RAB38: variants seen among roughly 807,000 people sequenced by gnomAD.
RAB38 encodes ras-related protein Rab-38.
A neutral mutation model predicts 18.4 loss-of-function variants in RAB38; 15 were observed. The observed-to-expected ratio is 0.82, with a 90% CI of 0.55 to 1.26. RAB38 has a LOEUF of 1.26. Ranked by LOEUF, RAB38 falls within the 50% of genes most tolerant of loss-of-function variation. The pLI, the probability that RAB38 is intolerant of heterozygous loss-of-function variation, is 0.00. For missense variants in RAB38, 294 were observed against 267.4 expected, an observed-to-expected ratio of 1.10 and a Z score of -0.69; for synonymous variants, 101 against 104.4, an observed-to-expected ratio of 0.97 and a Z score of 0.20.
the RAB38 span, among the ~76,000 whole-genome samples, chr11:87,891,060 G>A: frequency 6.6e-6 from 1 of 151,746 alleles, no homozygotes; most frequent in South Asian, 2.1e-4. Context: ...AGATTAGGTT[G>A]GTTCACAATA....
the RAB38 span, among the ~76,000 whole-genome samples, chr11:88,053,061 A>G: frequency 2.3e-5 from 3 of 128,862 alleles, no homozygotes; most frequent in African/African-American, 8.7e-5. Context: ...GAATATATAT[A>G]TTATATATAT....
chr11:87,836,476 C>G, the RAB38 span, among the ~76,000 whole-genome samples: 1 of 151,900 alleles, frequency 6.6e-6, no homozygotes, highest in Non-Finnish European at 1.5e-5. Context: ...AGTAGTCTAC[C>G]CCATCCATTT....
chr11:88,050,441 T>C, the RAB38 span, among the ~76,000 whole-genome samples: 41 of 152,244 alleles, frequency 2.7e-4, no homozygotes, highest in Non-Finnish European at 5.4e-4. Context: ...TTTCTGTTTC[T>C]GTCTTTCTCT....
the RAB38 span, among the ~76,000 whole-genome samples, chr11:88,051,232 C>A: frequency 6.6e-6 from 1 of 151,852 alleles, no homozygotes; most frequent in Non-Finnish European, 1.5e-5. Flanking sequence ...TGCTGGAGGG[C>A]CTAAAAAGTG....
At chr11:88,145,985 T>C (rs535816756) in intron 2 of RAB38, among the ~76,000 whole-genome samples, 21 of 152,252 alleles carry the variant, frequency 1.4e-4, no homozygotes, top group African/African-American at 5.1e-4. Flanking sequence ...CCAAAGAATA[T>C]GACGCAGAAA....
the RAB38 span, among the ~76,000 whole-genome samples, chr11:88,032,797 A>G: frequency 4.2e-4 from 64 of 152,372 alleles, no homozygotes; most frequent in African/African-American, 1.4e-3. Context: ...AACTAGTTCA[A>G]TGATTGTGGA....
At chr11:87,951,420 T>A in the RAB38 span, among the ~76,000 whole-genome samples, 1 of 152,202 alleles carries the variant, frequency 6.6e-6, no homozygotes, top group Non-Finnish European at 1.5e-5. Flanking sequence ...CATCCAGCTT[T>A]GTTCTGTTGC....
the RAB38 span, among the ~76,000 whole-genome samples, chr11:87,973,445 G>A: frequency 6.6e-6 from 1 of 151,484 alleles, no homozygotes; most frequent in Non-Finnish European, 1.5e-5. Flanking sequence ...AGTATTGTGA[G>A]CTTTGAAATG....
the RAB38 span, among the ~76,000 whole-genome samples, chr11:87,848,192 C>A: frequency 6.6e-6 from 1 of 152,118 alleles, no homozygotes; most frequent in African/African-American, 2.4e-5. Context: ...GGAAATAAAT[C>A]ATCATCTATT....
the RAB38 span, among the ~76,000 whole-genome samples, chr11:87,951,005 T>C: frequency 2.0e-5 from 3 of 152,184 alleles, no homozygotes; most frequent in African/African-American, 7.2e-5. Context: ...CCATTCTCCC[T>C]GTCACTTTCA....
the RAB38 span, among the ~76,000 whole-genome samples, chr11:88,107,112 T>C: frequency 6.6e-6 from 1 of 152,142 alleles, no homozygotes; most frequent in African/African-American, 2.4e-5. Context: ...GTTCCACTTT[T>C]TTTTCTTATC....
At chr11:88,068,261 G>A in the RAB38 span, among the ~76,000 whole-genome samples, 1 of 151,916 alleles carries the variant, frequency 6.6e-6, no homozygotes, top group Admixed American at 6.6e-5. Flanking sequence ...TATCTCGTTG[G>A]TAATTGAGTT....
chr11:88,078,636 T>A, the RAB38 span, among the ~76,000 whole-genome samples: 1 of 151,848 alleles, frequency 6.6e-6, no homozygotes, highest in Non-Finnish European at 1.5e-5. Flanking sequence ...GAAAGACAGA[T>A]GCTGTATGTT....
intron 1 of RAB38, chr11:88,173,636 A>T: frequency 1.2e-5 from 12 of 985,454 alleles, no homozygotes; most frequent in Non-Finnish European, 1.4e-5. Context: ...CCGTTTCTAA[A>T]TCTGAATCCT....
the RAB38 span, among the ~76,000 whole-genome samples, chr11:87,853,901 T>G: frequency 6.6e-6 from 1 of 152,174 alleles, no homozygotes; most frequent in Non-Finnish European, 1.5e-5. Flanking sequence ...AAAGGAAGAT[T>G]TAATTCTGAT....
chr11:88,113,953 A>G lies in RAB38; in HGVS notation c.*35T>C. On this transcript the variant is annotated 3_prime_UTR_variant, in exon 3 of 3. Transcript: ENST00000243662. Reference sequence around the variant, plus strand: ...TAGAGGCACAATTTGTGGAACAATGAGGTCATTCCTACCAGACACCAGCAA... The same window carrying G: ...TAGAGGCACAATTTGTGGAACAATGGGGTCATTCCTACCAGACACCAGCAA... 6.2e-7 allele frequency: 1 copy of G among 1,612,094 alleles called. No homozygotes were observed.
the RAB38 span, among the ~76,000 whole-genome samples, chr11:87,944,744 T>C: frequency 2.0e-5 from 3 of 152,164 alleles, no homozygotes; most frequent in African/African-American, 7.2e-5. Flanking sequence ...GTTTCTACTT[T>C]AACTTGTGAC....
the RAB38 span, among the ~76,000 whole-genome samples, chr11:87,810,316 G>T: frequency 1.6e-3 from 241 of 152,144 alleles, 1 homozygote; most frequent in African/African-American, 5.4e-3. Context: ...GAACTCCTGG[G>T]CATAAGTGAT....
At chr11:87,849,856 A>G in the RAB38 span, among the ~76,000 whole-genome samples, 1 of 152,116 alleles carries the variant, frequency 6.6e-6, no homozygotes, top group Non-Finnish European at 1.5e-5. Context: ...CTTCTTGAAC[A>G]ATATATAGGT....
Sources: gnomAD v4.1 joint callset for allele counts (sites outside exome capture counted in the v4.1 genomes callset) on GRCh38, gnomAD v4.1.1 for gene constraint, MANE v1.5 for transcripts, NCBI Gene and HGNC (gene_info 2026-07-23, HGNC 2026-07-21) for gene names.